Variants in RNFT2 observed in about 807,000 individuals in gnomAD.
The protein encoded by RNFT2 is ring finger protein, transmembrane 2.
RNFT2 carries 36 observed loss-of-function variants against 53.0 expected under a neutral mutation model. The observed-to-expected ratio is 0.68, with a 90% CI of 0.52 to 0.90. The LOEUF (loss-of-function observed/expected upper bound fraction) is 0.90, where lower values mean the gene tolerates loss of function less well. RNFT2 is among the 40% of genes least tolerant of loss of function. The pLI, the probability that RNFT2 is intolerant of heterozygous loss-of-function variation, is 0.00. For synonymous variants in RNFT2, 260 were observed against 253.2 expected (o/e 1.03, Z -0.26); for missense variants, 514 against 585.6 (o/e 0.88, Z 1.26).
chr12:116,841,858 A>ATATATATATAAAT (rs1877313449), intron 10 of RNFT2, among the ~76,000 whole-genome samples: 3 of 24,452 alleles, frequency 1.2e-4, no homozygotes, highest in African/African-American at 3.2e-4. Context: ...TATATATAAA[A>ATATATATATAAAT]ATATATATAT....
chr12:116,827,717 A>G (rs1207815765), intron 7 of RNFT2, among the ~76,000 whole-genome samples: 4 of 152,386 alleles, frequency 2.6e-5, no homozygotes, highest in South Asian at 4.1e-4. Flanking sequence ...TGCAAAGGCT[A>G]AGTACTCACT....
intron 6 of RNFT2, among the ~76,000 whole-genome samples, chr12:116,768,099 C>CT (rs528793630): frequency 0.15 from 19,307 of 131,916 alleles, 2,638 homozygotes; most frequent in African/African-American, 0.36. Flanking sequence ...ACAGTTTGGC[C>CT]TTTTTTTTTT....
intron 7 of RNFT2, among the ~76,000 whole-genome samples, chr12:116,795,728 G>A (rs775791503): frequency 1.3e-5 from 2 of 152,044 alleles, no homozygotes; most frequent in Non-Finnish European, 2.9e-5. Flanking sequence ...ACATAAAAGC[G>A]GGCCCTTCCC....
intron 7 of RNFT2, among the ~76,000 whole-genome samples, chr12:116,823,450 G>A (rs937765361): frequency 1.3e-5 from 2 of 152,212 alleles, no homozygotes; most frequent in African/African-American, 2.4e-5. Context: ...TTAGGAGGCC[G>A]AAGTGTGTGG....
At chr12:116,745,576 T>A (rs1871857289) in intron 3 of RNFT2, among the ~76,000 whole-genome samples, 1 of 152,142 alleles carries the variant, frequency 6.6e-6, no homozygotes, top group Admixed American at 6.6e-5. Flanking sequence ...AGGTTTTTAG[T>A]AACATACCTG....
intron 7 of RNFT2, among the ~76,000 whole-genome samples, chr12:116,823,238 G>A (rs1037516121): frequency 2.0e-5 from 3 of 152,240 alleles, no homozygotes; most frequent in East Asian, 1.9e-4. Flanking sequence ...CCAGAATGGC[G>A]GAGCTGGGTC....
chr12:116,765,617 C>T (rs1006372231), intron 5 of RNFT2, among the ~76,000 whole-genome samples: 1 of 152,082 alleles, frequency 6.6e-6, no homozygotes, highest in South Asian at 2.1e-4. Flanking sequence ...CAGGAACACG[C>T]CCCCCTTTGC....
intron 7 of RNFT2, among the ~76,000 whole-genome samples, chr12:116,781,736 A>G (rs955218965): frequency 6.6e-6 from 1 of 152,012 alleles, no homozygotes; most frequent in African/African-American, 2.4e-5. Flanking sequence ...ACATCAGCAA[A>G]GTCTCTTTTG....
At chr12:116,821,852 T>C (rs1340347878) in intron 7 of RNFT2, among the ~76,000 whole-genome samples, 2 of 132,386 alleles carry the variant, frequency 1.5e-5, no homozygotes, top group East Asian at 2.7e-4. Flanking sequence ...AGTCTTACTC[T>C]GTCGCCCAGG....
intron 7 of RNFT2, among the ~76,000 whole-genome samples, chr12:116,800,576 G>A (rs1874720251): frequency 6.6e-6 from 1 of 151,712 alleles, no homozygotes; most frequent in African/African-American, 2.4e-5. Flanking sequence ...GGAGGTTGCA[G>A]TGAGCCGAGA....
At chr12:116,764,609 G>C (rs1381014375) in intron 5 of RNFT2, among the ~76,000 whole-genome samples, 2 of 152,092 alleles carry the variant, frequency 1.3e-5, no homozygotes, top group Non-Finnish European at 2.9e-5. Flanking sequence ...ACAGTAGGAG[G>C]GGGCAAGGAC....
chr12:116,761,423 C>T (rs934111165), intron 5 of RNFT2, among the ~76,000 whole-genome samples: 1 of 152,220 alleles, frequency 6.6e-6, no homozygotes, highest in East Asian at 1.9e-4. Flanking sequence ...GCTGGGTTTA[C>T]AGGCGTGAGC....
At chr12:116,761,280 C>T (rs1872683730) in intron 5 of RNFT2, among the ~76,000 whole-genome samples, 1 of 152,204 alleles carries the variant, frequency 6.6e-6, no homozygotes, top group Non-Finnish European at 1.5e-5. Flanking sequence ...TCCCCAGTAG[C>T]TGGGACTACA....
At chr12:116,791,272 C>T (rs148633252) in intron 7 of RNFT2, among the ~76,000 whole-genome samples, 5 of 152,324 alleles carry the variant, frequency 3.3e-5, no homozygotes, top group Middle Eastern at 3.4e-3. Flanking sequence ...GCTATGTTTT[C>T]GAGGTTCATC....
chr12:116,760,681 T>C (rs1005633935), intron 5 of RNFT2, among the ~76,000 whole-genome samples: 3 of 152,060 alleles, frequency 2.0e-5, no homozygotes, highest in African/African-American at 7.2e-5. Flanking sequence ...GCATTCGCAG[T>C]TTTGGGGGGC....
chr12:116,836,574 A>AC (rs1876985442), intron 10 of RNFT2, among the ~76,000 whole-genome samples: 1 of 151,860 alleles, frequency 6.6e-6, no homozygotes, highest in Non-Finnish European at 1.5e-5. Flanking sequence ...AGCATTCTTG[A>AC]CCCCCTGTGG....
chr12:116,766,700 C>T (rs1872928375), intron 5 of RNFT2, 114 bp from the exon 6 acceptor site: 2 of 784,536 alleles, frequency 2.5e-6, no homozygotes, highest in Admixed American at 4.2e-5. Flanking sequence ...TCACCTTCAG[C>T]ACCACTTCCT....
At position 116,849,922 on chromosome 12, in the gene RNFT2, C is replaced by T. The variant is rs1025794063; in HGVS notation, c.*474C>T. 6.3e-6 allele frequency: 1 copy of T among 157,634 alleles called. No homozygotes were observed. Among genetic ancestry groups the T allele is most frequent in the African/African-American group, 2.6e-5 (1 of 39,058 alleles). 9.8% of individuals were successfully genotyped at this position (157,634 alleles called of 1,614,324 possible). On this transcript the variant is annotated 3_prime_UTR_variant, in exon 11 of 11. Transcript: ENST00000257575. ...GCAGTGGCACAATCTCGGCTCGCTG[C>T]AACCTCCACCTCCTGGGTTCAAGCG... is the stretch of plus-strand genomic sequence containing the variant.
Position 116,849,696 on chromosome 12 carries a change from C to G in RNFT2, c.*248C>G. 1 of 1,232,366 alleles carries G rather than the reference C, an allele frequency of 8.1e-7. No individual in the cohort carries two copies. The highest frequency in any genetic ancestry group is 1.0e-6 in the Non-Finnish European group (1 of 986,062). 76.3% of individuals were successfully genotyped at this position (1,232,366 alleles called of 1,614,324 possible). A position where few individuals can be genotyped will look rare whatever the true frequency, so the allele number is the denominator to read the frequency against. ...GTCTTCCTAACTCAGACTTGATGCC[C>G]TTCTAGATGCATCTTCCTTCTCCAC... On this transcript the variant is annotated 3_prime_UTR_variant, in exon 11 of 11. Transcript: ENST00000257575.
Sources: gnomAD v4.1 joint callset for allele counts (sites outside exome capture counted in the v4.1 genomes callset) on GRCh38, gnomAD v4.1.1 for gene constraint, MANE v1.5 for transcripts, NCBI Gene and HGNC (gene_info 2026-07-23, HGNC 2026-07-21) for gene names.